Variants in PCDH9 observed in about 807,000 individuals in gnomAD.
The protein encoded by PCDH9 is protocadherin 9, also known as protocadherin-9.
Under a neutral mutation model 70.6 loss-of-function variants are expected in PCDH9, and 24 were observed. That is an observed-to-expected ratio of 0.34 (90% CI 0.25 to 0.48). PCDH9 has a LOEUF of 0.48. Ranked by LOEUF, PCDH9 falls within the 20% of genes least tolerant of loss-of-function variation. PCDH9 has a pLI of 0.99. For missense variants in PCDH9, 1,281 were observed against 1,503.6 expected, an observed-to-expected ratio of 0.85 and a Z score of 2.45; for synonymous variants, 562 against 558.5, an observed-to-expected ratio of 1.01 and a Z score of -0.09.
At chr13:67,045,811 C>T (rs1258391885) in intron 2 of PCDH9, among the ~76,000 whole-genome samples, 2 of 152,074 alleles carry the variant, frequency 1.3e-5, no homozygotes, top group Admixed American at 1.3e-4. Flanking sequence ...TTTGGCAGTC[C>T]AGAACAACTT....
intron 2 of PCDH9, among the ~76,000 whole-genome samples, chr13:67,038,395 A>T (rs907211120): frequency 6.6e-6 from 1 of 152,192 alleles, no homozygotes; most frequent in African/African-American, 2.4e-5. Flanking sequence ...ATAAGAATAA[A>T]GTGATGACAA....
chr13:66,730,388 C>T (rs1162680631), intron 3 of PCDH9, among the ~76,000 whole-genome samples: 3 of 152,060 alleles, frequency 2.0e-5, no homozygotes, highest in East Asian at 1.9e-4. Flanking sequence ...CAATCTTGGA[C>T]TCATTTTGCT....
chr13:66,356,565 G>A (rs940777730), intron 4 of PCDH9, among the ~76,000 whole-genome samples: 3 of 151,702 alleles, frequency 2.0e-5, no homozygotes, highest in African/African-American at 7.3e-5. Flanking sequence ...AAAATGAAGG[G>A]TTTTTAAACG....
intron 3 of PCDH9, among the ~76,000 whole-genome samples, chr13:66,734,885 C>T (rs1019786516): frequency 1.3e-5 from 2 of 152,130 alleles, no homozygotes; most frequent in African/African-American, 2.4e-5. Context: ...CATTATGAAT[C>T]CCATGCTCAA....
chr13:66,946,994 A>C (rs1352181289), intron 2 of PCDH9, among the ~76,000 whole-genome samples: 1 of 152,138 alleles, frequency 6.6e-6, no homozygotes, highest in Non-Finnish European at 1.5e-5. Flanking sequence ...TAGAAGTCCC[A>C]TTTTAGCACA....
intron 3 of PCDH9, among the ~76,000 whole-genome samples, chr13:66,631,919 G>A (rs1339379917): frequency 6.6e-6 from 1 of 152,070 alleles, no homozygotes; most frequent in Non-Finnish European, 1.5e-5. Context: ...TTGAGACAAA[G>A]TTTCGTTCTT....
chr13:66,583,350 C>T (rs1353914950), intron 4 of PCDH9, among the ~76,000 whole-genome samples: 3 of 152,198 alleles, frequency 2.0e-5, no homozygotes, highest in Middle Eastern at 6.8e-3. Context: ...TGGTGGCTCA[C>T]GCCTGTAATC....
At chr13:66,828,810 A>AAAAAAAAAAAATAATAAT (rs71207607) in intron 3 of PCDH9, among the ~76,000 whole-genome samples, 7 of 148,606 alleles carry the variant, frequency 4.7e-5, no homozygotes, top group African/African-American at 1.7e-4. Context: ...GCCATACATA[A>AAAAAAAAAAAATAATAAT]AATAATAATA....
chr13:66,988,570 G>A (rs751218837), intron 2 of PCDH9, among the ~76,000 whole-genome samples: 2 of 151,984 alleles, frequency 1.3e-5, no homozygotes, highest in Non-Finnish European at 2.9e-5. Context: ...GCTATATAAG[G>A]TTGTGATTGC....
chr13:67,064,336 C>T (rs562663793), intron 2 of PCDH9, among the ~76,000 whole-genome samples: 144 of 152,112 alleles, frequency 9.5e-4, no homozygotes, highest in African/African-American at 3.2e-3. Context: ...TTATTCCTTC[C>T]AAAATTGCTG....
chr13:66,891,204 A>G (rs1192903854), intron 3 of PCDH9, among the ~76,000 whole-genome samples: 1 of 152,016 alleles, frequency 6.6e-6, no homozygotes, highest in Non-Finnish European at 1.5e-5. Flanking sequence ...GTATTTTTCC[A>G]ATCCATATCT....
chr13:66,398,998 C>A (rs1269887940), intron 4 of PCDH9, among the ~76,000 whole-genome samples: 1 of 152,094 alleles, frequency 6.6e-6, no homozygotes, highest in East Asian at 1.9e-4. Context: ...GAATTAGACA[C>A]ACCTGTAACT....
chr13:66,957,958 A>C (rs2083289037), intron 2 of PCDH9, among the ~76,000 whole-genome samples: 1 of 152,244 alleles, frequency 6.6e-6, no homozygotes, highest in African/African-American at 2.4e-5. Flanking sequence ...TTTATGATGA[A>C]TTAATATAAT....
At chr13:66,951,120 C>T (rs990770268) in intron 2 of PCDH9, among the ~76,000 whole-genome samples, 8 of 152,116 alleles carry the variant, frequency 5.3e-5, no homozygotes, top group African/African-American at 1.9e-4. Context: ...AACACAGTGC[C>T]GCGTACAAAT....
At chr13:66,745,202 ATTG>A (rs1256432826) in intron 3 of PCDH9, among the ~76,000 whole-genome samples, 2 of 152,174 alleles carry the variant, frequency 1.3e-5, no homozygotes, top group Non-Finnish European at 2.9e-5. Flanking sequence ...ACTACCGAGT[ATTG>A]TTGTTGATGA....
intron 3 of PCDH9, among the ~76,000 whole-genome samples, chr13:66,866,306 C>A (rs1050360580): frequency 6.6e-6 from 1 of 151,242 alleles, no homozygotes; most frequent in Non-Finnish European, 1.5e-5. Flanking sequence ...TACGGTGAAA[C>A]CCCGTCTCTA....
chr13:66,524,135 C>T (rs1207542796), intron 4 of PCDH9, among the ~76,000 whole-genome samples: 1 of 146,644 alleles, frequency 6.8e-6, no homozygotes, highest in Non-Finnish European at 1.5e-5. Context: ...AGCTTTCATA[C>T]TCTTTTGTCA....
At chr13:66,507,695 CTTTTTTGT>C (rs1400729913) in intron 4 of PCDH9, among the ~76,000 whole-genome samples, 1 of 124,522 alleles carries the variant, frequency 8.0e-6, no homozygotes, top group Non-Finnish European at 1.7e-5. Context: ...CATTTCCTTT[CTTTTTTGT>C]TTGTTTGTTT....
chr13:66,842,182 T>C (rs946759902), intron 3 of PCDH9, among the ~76,000 whole-genome samples: 2 of 152,226 alleles, frequency 1.3e-5, no homozygotes, highest in Non-Finnish European at 2.9e-5. Context: ...TTAATTTTTC[T>C]TATACATGGT....
Sources: gnomAD v4.1 joint callset for allele counts (sites outside exome capture counted in the v4.1 genomes callset) on GRCh38, gnomAD v4.1.1 for gene constraint, MANE v1.5 for transcripts, NCBI Gene and HGNC (gene_info 2026-07-23, HGNC 2026-07-21) for gene names.